Variants in CLEC2B observed in about 807,000 individuals in gnomAD.
CLEC2B encodes C-type (calcium dependent, carbohydrate-recognition domain) lectin, superfamily member 2 (activation-induced).
A neutral mutation model predicts 16.2 loss-of-function variants in CLEC2B; 14 were observed. The ratio of observed to expected loss-of-function variants is 0.86; its 90% confidence interval spans 0.57 to 1.35. The LOEUF is 1.35. CLEC2B is among the 40% of genes most tolerant of loss of function. The pLI is 0.00. For missense variants in CLEC2B, 166 were observed against 182.3 expected (o/e 0.91, Z 0.52); for synonymous variants, 42 against 55.8 (o/e 0.75, Z 1.10).
At chr12:9,859,644 C>T (rs1304994053) in intron 2 of CLEC2B, among the ~76,000 whole-genome samples, 3 of 151,646 alleles carry the variant, frequency 2.0e-5, no homozygotes, top group African/African-American at 4.8e-5. Context: ...ATAACACCAA[C>T]GTTATACACA....
At chr12:9,863,989 C>T (rs879558918) in intron 1 of CLEC2B, among the ~76,000 whole-genome samples, 1 of 151,870 alleles carries the variant, frequency 6.6e-6, no homozygotes, top group Non-Finnish European at 1.5e-5. Flanking sequence ...AACAAGACTA[C>T]CCCTAGGCAT....
intron 2 of CLEC2B, among the ~76,000 whole-genome samples, chr12:9,860,128 C>T (rs188412858): frequency 1.4e-4 from 21 of 151,634 alleles, no homozygotes; most frequent in South Asian, 4.2e-4. Flanking sequence ...TATACTCAAC[C>T]TTATACTGGA....
chr12:9,854,704 T>C (rs1226201183), intron 3 of CLEC2B: 4 of 503,738 alleles, frequency 7.9e-6, no homozygotes, highest in South Asian at 3.2e-5. Flanking sequence ...TCTTTAGATA[T>C]GATTCCAAAT....
chr12:9,853,753 G>A lies in CLEC2B; in HGVS notation c.342-345C>T, dbSNP rs572772794. Among the ~76,000 whole-genome samples the A allele has an allele frequency of 4.6e-5, 7 of 152,166 alleles. No individual in the cohort carries two copies. The East Asian group carries it at 1.4e-3, about 29-fold the overall frequency. ...CTCAAGCGGAGGCAGAGGTGAGTAG[G>A]GTGGATAGTTTATCCAGGGGTGCTG... On this transcript the variant is annotated intron_variant, in intron 4 of 4. Coordinates refer to ENST00000228438, the MANE Select transcript of CLEC2B (RefSeq NM_005127.3).
chr12:9,855,084 C>T (rs371402877), intron 3 of CLEC2B, among the ~76,000 whole-genome samples: 2 of 152,170 alleles, frequency 1.3e-5, no homozygotes, highest in East Asian at 1.9e-4. Flanking sequence ...TAACTTACCT[C>T]GACCTTGCTT....
Position 9,853,394 on chromosome 12 carries a change from C to T in CLEC2B, c.356G>A (p.Gly119Glu). ...GCTGAGGTAGGCACATCCTTCACTCCCTCTCATGCCAAACCTGCAACAAAG... is the reference window on the plus strand; with the variant it reads ...GCTGAGGTAGGCACATCCTTCACTCTCTCTCATGCCAAACCTGCAACAAAG... ...ATFTKSFGMR[G>E]SEGCAYLSDD... is the part of the protein sequence containing the mutation. Residue 119 changes from glycine (G) to glutamate (E), a missense_variant, in exon 5 of 5, where the codon GGG becomes GAG. Gly to Glu is a moderately conservative substitution (Grantham distance 98). Coordinates refer to ENST00000228438, the MANE Select transcript of CLEC2B (RefSeq NM_005127.3). The T allele has an allele frequency of 6.2e-7, 1 of 1,613,634 alleles. No individual in the cohort carries two copies. Among genetic ancestry groups the T allele is most frequent in the South Asian group, 1.1e-5 (1 of 91,072 alleles).
At chr12:9,862,170 T>A (rs767674369) in intron 2 of CLEC2B, among the ~76,000 whole-genome samples, 2 of 152,124 alleles carry the variant, frequency 1.3e-5, no homozygotes, top group Non-Finnish European at 2.9e-5. Context: ...ATTTTATATG[T>A]ATTTAAATTT....
intron 3 of CLEC2B, 175 bp from the exon 4 acceptor site, chr12:9,854,659 G>T: frequency 3.9e-6 from 2 of 512,388 alleles, no homozygotes; most frequent in East Asian, 3.2e-5. Flanking sequence ...CTGACCTTCA[G>T]TTTTTTTTGT....
chr12:9,863,599 A>G (rs1268883018), intron 1 of CLEC2B, among the ~76,000 whole-genome samples: 3 of 152,212 alleles, frequency 2.0e-5, no homozygotes, highest in African/African-American at 7.2e-5. Flanking sequence ...TAACAAAGGG[A>G]TTGAAATAAT....
rs769002399 is a variant in CLEC2B at position 9,854,365 on chromosome 12, A to C, written c.341+16T>G. ...ACTATCTAAATTTAAGTGATCCCAG[A>C]AAAAAATAAACTCACGATTTGGTAA... On this transcript the variant is annotated intron_variant, in intron 4 of 4. Transcript: ENST00000228438. The C allele has an allele frequency of 3.8e-6, 6 of 1,572,078 alleles. No homozygotes were observed. The Admixed American group carries it at 5.1e-5, about 13-fold the overall frequency.
At chr12:9,860,632 A>G (rs1008116184) in intron 2 of CLEC2B, among the ~76,000 whole-genome samples, 2 of 151,940 alleles carry the variant, frequency 1.3e-5, no homozygotes, top group Non-Finnish European at 2.9e-5. Context: ...GGCAGCTTAA[A>G]GGATCTAAAA....
chr12:9,854,488 T>C lies in CLEC2B; in HGVS notation c.238-4A>G, dbSNP rs1867878699. On this transcript the variant is annotated splice_polypyrimidine_tract_variant and splice_region_variant and intron_variant, in intron 3 of 4. Transcript: ENST00000228438. ...ATTTATACCGCCTAAGAAAATTCTT[T>C]AGAGACAAAATTAATTTCAAAATCA... is the stretch of plus-strand genomic sequence containing the variant. 6.3e-7 allele frequency: 1 copy of C among 1,593,932 alleles called. No individual in the cohort carries two copies.
chr12:9,862,559 GT>G lies in CLEC2B; in HGVS notation c.12del (p.Lys4AsnfsTer7). ...CCAACAATTATAAAACACTTTTTATGTTTGGTCATCATACCTGAAAAATAAA... is the reference window on the plus strand; with the variant it reads ...CCAACAATTATAAAACACTTTTTATGTTGGTCATCATACCTGAAAAATAAA... MMT[K>X]HKKCFIIVGV... On this transcript the variant is annotated frameshift_variant, in exon 2 of 5. Transcript: ENST00000228438. LOFTEE classifies it high-confidence loss of function. 1 of 1,476,082 alleles carries G rather than the reference GT, an allele frequency of 6.8e-7. No homozygotes were observed. The highest frequency in any genetic ancestry group is 9.1e-7 in the Non-Finnish European group (1 of 1,096,568). 91.4% of individuals were successfully genotyped at this position (1,476,082 alleles called of 1,614,324 possible). A position where few individuals can be genotyped will look rare whatever the true frequency, so the allele number is the denominator to read the frequency against.
Position 9,857,612 on chromosome 12 carries a change from A to G in CLEC2B, c.99T>C (p.Ser33=), listed in dbSNP as rs1565515016. ...AACCAATCCAATCATAGGGGCATAA[A>G]CTCTGAGAATCTCGAGTTAGTTTAA... ...LIVKLTRDSQ[S]LCPYDWIGFQ... Residue 33 remains serine (S), a synonymous_variant, in exon 3 of 5, where the codon AGT becomes AGC. Coordinates refer to ENST00000228438, the MANE Select transcript of CLEC2B (RefSeq NM_005127.3). The G allele has an allele frequency of 6.2e-7, 1 of 1,610,378 alleles. No homozygotes were observed. The highest frequency in any genetic ancestry group is 1.3e-5 in the African/African-American group (1 of 74,764).
At chr12:9,859,344 A>C (rs777607101) in intron 2 of CLEC2B, among the ~76,000 whole-genome samples, 10 of 151,944 alleles carry the variant, frequency 6.6e-5, no homozygotes, top group Non-Finnish European at 1.5e-4. Flanking sequence ...TTAAAGTCAT[A>C]AGATGACTTT....
chr12:9,866,880 C>T (rs1484785165), intron 1 of CLEC2B: 2 of 152,078 alleles, frequency 1.3e-5, no homozygotes, highest in Non-Finnish European at 2.9e-5. Context: ...AATGCACATC[C>T]TGACAATATG....
chr12:9,868,620 A>G (rs79087960), intron 1 of CLEC2B, among the ~76,000 whole-genome samples: 21 of 152,208 alleles, frequency 1.4e-4, no homozygotes, highest in African/African-American at 4.8e-4. Context: ...TATATTCCGA[A>G]CTTGCTATTT....
In CLEC2B at chr12:9,853,075, A is replaced by AAGAAAG. The variant is rs1555123306; in HGVS notation, c.*219_*224dup. The stretch of plus-strand genomic sequence containing the variant: ...AGTTAAAAAAAGAAAGAAAGAAAGA[A>AAGAAAG]AGAAAGAAAGAGAGAGAGAGAAAGA... On this transcript the variant is annotated 3_prime_UTR_variant, in exon 5 of 5. Coordinates refer to ENST00000228438, the MANE Select transcript of CLEC2B (RefSeq NM_005127.3). The AAGAAAG allele has an allele frequency of 1.0e-4, 41 of 397,564 alleles. No individual in the cohort carries two copies. The highest frequency in any genetic ancestry group is 1.4e-4 in the Non-Finnish European group (30 of 219,414). The allele number at this position is 397,564 out of a possible 1,614,324, so 24.6% of individuals were successfully genotyped here.
chr12:9,866,424 T>C (rs951845644), intron 1 of CLEC2B, among the ~76,000 whole-genome samples: 7 of 151,932 alleles, frequency 4.6e-5, no homozygotes, highest in Non-Finnish European at 1.0e-4. Flanking sequence ...TACCCCCATT[T>C]GATCCTATAC....
Sources: gnomAD v4.1 joint callset for allele counts (sites outside exome capture counted in the v4.1 genomes callset) on GRCh38, gnomAD v4.1.1 for gene constraint, MANE v1.5 for transcripts, NCBI Gene and HGNC (gene_info 2026-07-23, HGNC 2026-07-21) for gene names.